The following CSNK2A2IP variants were observed in gnomAD, a reference collection of about 807,000 sequenced individuals.
CSNK2A2IP encodes the protein casein kinase II subunit alpha'-interacting protein.
the CSNK2A2IP span, among the ~76,000 whole-genome samples, chr3:88,424,957 T>C: frequency 1.3e-5 from 2 of 152,122 alleles, no homozygotes; most frequent in Non-Finnish European, 1.5e-5. Flanking sequence ...CTGCAGATTT[T>C]GGTTTCAAAC....
chr3:88,453,603 G>A, the CSNK2A2IP span, among the ~76,000 whole-genome samples: 2 of 151,920 alleles, frequency 1.3e-5, no homozygotes, highest in African/African-American at 2.4e-5. Flanking sequence ...ACCTATTTTT[G>A]TTTTGATGGT....
the CSNK2A2IP span, among the ~76,000 whole-genome samples, chr3:88,383,753 T>G: frequency 7.3e-6 from 1 of 136,802 alleles, no homozygotes; most frequent in Non-Finnish European, 1.5e-5. Flanking sequence ...AACCTCCGCC[T>G]CCCCGGTTCA....
At chr3:88,378,558 T>C in the CSNK2A2IP span, among the ~76,000 whole-genome samples, 1 of 152,038 alleles carries the variant, frequency 6.6e-6, no homozygotes, top group Non-Finnish European at 1.5e-5. Flanking sequence ...TTTAGTGTAA[T>C]TTAATTTCAA....
chr3:88,361,586 C>T, the CSNK2A2IP span, among the ~76,000 whole-genome samples: 1 of 152,022 alleles, frequency 6.6e-6, no homozygotes, highest in African/African-American at 2.4e-5. Context: ...TTATTACATG[C>T]CTTGAGGTAG....
chr3:88,348,508 C>G, the CSNK2A2IP span, among the ~76,000 whole-genome samples: 1 of 152,084 alleles, frequency 6.6e-6, no homozygotes, highest in African/African-American at 2.4e-5. Flanking sequence ...GTTTTTTATT[C>G]TAAGTTAAGT....
chr3:88,390,035 A>G, the CSNK2A2IP span, among the ~76,000 whole-genome samples: 2 of 152,152 alleles, frequency 1.3e-5, no homozygotes, highest in African/African-American at 4.8e-5. Context: ...CGTCAGAATC[A>G]GAGAATAGGC....
the CSNK2A2IP span, among the ~76,000 whole-genome samples, chr3:88,349,561 A>C: frequency 6.6e-6 from 1 of 152,076 alleles, no homozygotes; most frequent in Non-Finnish European, 1.5e-5. Flanking sequence ...TTAGTTCCAT[A>C]ATTCTTGCAA....
the CSNK2A2IP span, among the ~76,000 whole-genome samples, chr3:88,396,357 G>A: frequency 1.3e-3 from 199 of 151,818 alleles, 1 homozygote; most frequent in East Asian, 0.029. Flanking sequence ...CGCCCGCCTC[G>A]GCCTCCCAAA....
At chr3:88,346,071 T>A in the CSNK2A2IP span, among the ~76,000 whole-genome samples, 1 of 151,976 alleles carries the variant, frequency 6.6e-6, no homozygotes, top group Non-Finnish European at 1.5e-5. Flanking sequence ...CTGGATAGAC[T>A]ATCAAACCAG....
the CSNK2A2IP span, among the ~76,000 whole-genome samples, chr3:88,357,066 C>A: frequency 6.6e-6 from 1 of 151,912 alleles, no homozygotes; most frequent in East Asian, 1.9e-4. Context: ...TGGGTTGTCT[C>A]TTTATTTTGT....
At chr3:88,436,353 A>G in the CSNK2A2IP span, among the ~76,000 whole-genome samples, 1 of 152,138 alleles carries the variant, frequency 6.6e-6, no homozygotes, top group African/African-American at 2.4e-5. Flanking sequence ...GTTGATTGAC[A>G]TACTACCAAC....
the CSNK2A2IP span, among the ~76,000 whole-genome samples, chr3:88,367,870 G>T: frequency 2.6e-5 from 4 of 152,030 alleles, no homozygotes; most frequent in Admixed American, 2.6e-4. Flanking sequence ...AATGGTTAAG[G>T]GGATAGTATT....
the CSNK2A2IP span, among the ~76,000 whole-genome samples, chr3:88,405,418 G>A: frequency 1.3e-5 from 2 of 152,120 alleles, no homozygotes; most frequent in Non-Finnish European, 2.9e-5. Context: ...AGGGGAAAAA[G>A]GTCATTGAGT....
the CSNK2A2IP span, among the ~76,000 whole-genome samples, chr3:88,430,652 G>A: frequency 6.6e-6 from 1 of 151,814 alleles, no homozygotes; most frequent in African/African-American, 2.4e-5. Flanking sequence ...AATTTTAGAA[G>A]GAGAAAATAA....
At chr3:88,365,441 T>C in the CSNK2A2IP span, among the ~76,000 whole-genome samples, 1 of 152,174 alleles carries the variant, frequency 6.6e-6, no homozygotes, top group African/African-American at 2.4e-5. Flanking sequence ...ATGAGTTTCT[T>C]TGGGCCTTAA....
chr3:88,406,783 G>A, the CSNK2A2IP span, among the ~76,000 whole-genome samples: 2 of 151,734 alleles, frequency 1.3e-5, no homozygotes, highest in Admixed American at 6.6e-5. Context: ...TCTCTGGAAA[G>A]AAAAAAAATG....
chr3:88,397,819 A>C, the CSNK2A2IP span, among the ~76,000 whole-genome samples: 1 of 152,010 alleles, frequency 6.6e-6, no homozygotes, highest in South Asian at 2.1e-4. Context: ...CCAAATAGTA[A>C]GTGTTTCATT....
chr3:88,466,597 TTA>T, the CSNK2A2IP span: 8 of 1,231,592 alleles, frequency 6.5e-6, no homozygotes, highest in Non-Finnish European at 8.1e-6. Context: ...TCCTTGGACT[TTA>T]AAGTATAGTC....
the CSNK2A2IP span, among the ~76,000 whole-genome samples, chr3:88,444,840 TC>T: frequency 6.6e-6 from 1 of 152,308 alleles, no homozygotes; most frequent in South Asian, 2.1e-4. Context: ...AATCAACAGT[TC>T]CCTTAATATG....
Sources: allele counts gnomAD v4.1 joint callset (sites outside exome capture counted in the v4.1 genomes callset), GRCh38; gene constraint gnomAD v4.1.1; transcripts MANE v1.5; gene names NCBI Gene and HGNC (gene_info 2026-07-23, HGNC 2026-07-21).